Variants in ZFHX3 observed in about 807,000 individuals in gnomAD.
ZFHX3 encodes zinc finger homeobox protein 3.
ZFHX3 carries 42 observed loss-of-function variants against 279.1 expected under a neutral mutation model. That is an observed-to-expected ratio of 0.15 (90% CI 0.12 to 0.19). ZFHX3 has a LOEUF of 0.19. Among genes scored for constraint, ZFHX3 ranks in the 10% least tolerant of loss-of-function variants. The pLI is 1.00. For missense variants in ZFHX3, 4,981 were observed against 4,754.0 expected, an observed-to-expected ratio of 1.05 and a Z score of -1.40; for synonymous variants, 2,293 against 1,957.8, an observed-to-expected ratio of 1.17 and a Z score of -4.52.
intron 1 of ZFHX3, among the ~76,000 whole-genome samples, chr16:73,738,104 A>G (rs1266444886): frequency 1.3e-5 from 2 of 152,202 alleles, no homozygotes; most frequent in African/African-American, 4.8e-5. Context: ...GCATCTATGG[A>G]ACTTTCTTAA....
intron 5 of ZFHX3, among the ~76,000 whole-genome samples, chr16:73,189,084 G>A (rs1013459429): frequency 3.9e-5 from 6 of 152,048 alleles, no homozygotes; most frequent in South Asian, 2.1e-4. Flanking sequence ...GGCTGGTCTC[G>A]ATCTCTTGAC....
At chr16:72,819,154 T>C (rs2036704336) in intron 5 of ZFHX3, among the ~76,000 whole-genome samples, 1 of 152,130 alleles carries the variant, frequency 6.6e-6, no homozygotes, top group South Asian at 2.1e-4. Flanking sequence ...ATTAAGCAGT[T>C]TAGATAAAGA....
chr16:73,008,827 G>A (rs1346991242), intron 1 of ZFHX3, among the ~76,000 whole-genome samples: 1 of 151,982 alleles, frequency 6.6e-6, no homozygotes, highest in African/African-American at 2.4e-5. Flanking sequence ...GACTAAAGAA[G>A]GCAGGAGGGA....
intron 1 of ZFHX3, among the ~76,000 whole-genome samples, chr16:73,793,057 A>G (rs1251462951): frequency 6.6e-6 from 1 of 152,202 alleles, no homozygotes; most frequent in Non-Finnish European, 1.5e-5. Flanking sequence ...TGCAGACAGC[A>G]GACAGGGGGA....
chr16:72,803,944 C>T (rs893404604), intron 7 of ZFHX3, among the ~76,000 whole-genome samples: 1 of 152,194 alleles, frequency 6.6e-6, no homozygotes, highest in African/African-American at 2.4e-5. Flanking sequence ...TGAGCCAGTT[C>T]AACTACCTTC....
chr16:73,707,301 A>G lies in ZFHX3; in HGVS notation c.-1607-27061T>C, dbSNP rs150126741. 5.0e-3 allele frequency among the ~76,000 whole-genome samples: 765 copies of G among 152,272 alleles called. 5 individuals carry two copies. The highest frequency in any genetic ancestry group is 8.2e-3 in the Non-Finnish European group (557 of 68,036). ...GAATGATGGTAAATTTACTTAGAAA[A>G]CAGGCCTTCAGAATAGACTACATAG... On this transcript the variant is annotated intron_variant, in intron 1 of 17. Transcript: ENST00000641206.
At chr16:73,878,587 T>C (rs60462598) in intron 1 of ZFHX3, among the ~76,000 whole-genome samples, 4,162 of 152,228 alleles carry the variant, frequency 0.027, 185 homozygotes, top group African/African-American at 0.095. Flanking sequence ...CTATATTTTT[T>C]TCATTTGATA....
rs540917183 is a variant in ZFHX3, at chr16:73,416,806, G to A, written c.-1291+39197C>T. ...GGAGAATGGCGTGAACTCGGGAGGC[G>A]GAGCCTGCAGTGAGCCGAGATCGCG... On this transcript the variant is annotated intron_variant, in intron 3 of 17. Transcript: ENST00000641206. Among the ~76,000 whole-genome samples, 112 of 147,734 alleles carry A rather than the reference G, an allele frequency of 7.6e-4. 2 individuals carry two copies. Among genetic ancestry groups the A allele is most frequent in the South Asian group, 1.3e-3 (6 of 4,536 alleles).
At chr16:73,394,949 G>C (rs2017097614) in intron 3 of ZFHX3, among the ~76,000 whole-genome samples, 1 of 152,184 alleles carries the variant, frequency 6.6e-6, no homozygotes, top group Non-Finnish European at 1.5e-5. Flanking sequence ...GCCAGGACTT[G>C]AACCCAGCTG....
chr16:73,821,218 C>G (rs879809042), intron 1 of ZFHX3, among the ~76,000 whole-genome samples: 2 of 152,228 alleles, frequency 1.3e-5, no homozygotes, highest in Admixed American at 6.5e-5. Flanking sequence ...TCAGAGAACT[C>G]TGTCCTGTGA....
chr16:73,233,996 C>T (rs886412857), intron 5 of ZFHX3: 4 of 152,216 alleles, frequency 2.6e-5, no homozygotes, highest in African/African-American at 9.7e-5. Context: ...CTTGGGCACC[C>T]TCCATCGCAT....
chr16:73,699,278 C>T (rs1018629624), intron 1 of ZFHX3, among the ~76,000 whole-genome samples: 1 of 151,952 alleles, frequency 6.6e-6, no homozygotes, highest in Non-Finnish European at 1.5e-5. Flanking sequence ...CTCTCTGCTA[C>T]GTTACAACTT....
At chr16:73,527,451 C>A (rs1039516964) in intron 2 of ZFHX3, among the ~76,000 whole-genome samples, 1 of 152,154 alleles carries the variant, frequency 6.6e-6, no homozygotes, top group Non-Finnish European at 1.5e-5. Flanking sequence ...CCTCTGAGAG[C>A]CTTGGGGACC....
chr16:73,889,062 G>A (rs2030443039), intron 1 of ZFHX3, among the ~76,000 whole-genome samples: 1 of 152,206 alleles, frequency 6.6e-6, no homozygotes, highest in Non-Finnish European at 1.5e-5. Flanking sequence ...CAGGCCCACT[G>A]ATTTGTAGAT....
intron 1 of ZFHX3, among the ~76,000 whole-genome samples, chr16:73,891,343 C>G (rs2030530942): frequency 6.6e-6 from 1 of 152,192 alleles, no homozygotes; most frequent in East Asian, 2.0e-4. Context: ...AAGATACACA[C>G]ATACACGTGT....
chr16:73,442,601 G>C (rs57602025), intron 3 of ZFHX3, among the ~76,000 whole-genome samples: 4,242 of 152,310 alleles, frequency 0.028, 182 homozygotes, highest in African/African-American at 0.094. Flanking sequence ...TAGTGTCTCA[G>C]TATTGAATTC....
chr16:73,007,025 A>G (rs1324125928), intron 1 of ZFHX3, among the ~76,000 whole-genome samples: 1 of 152,224 alleles, frequency 6.6e-6, no homozygotes, highest in Non-Finnish European at 1.5e-5. Context: ...AGTTGCTGGA[A>G]TCTACAAATG....
At chr16:73,368,513 T>C (rs1300839560) in intron 3 of ZFHX3, among the ~76,000 whole-genome samples, 1 of 152,198 alleles carries the variant, frequency 6.6e-6, no homozygotes, top group East Asian at 1.9e-4. Flanking sequence ...CGTATTTTAA[T>C]TCAACAGCAT....
At chr16:73,530,505 G>T (rs949935460) in intron 2 of ZFHX3, among the ~76,000 whole-genome samples, 1 of 152,082 alleles carries the variant, frequency 6.6e-6, no homozygotes, top group African/African-American at 2.4e-5. Context: ...GTTACAATAG[G>T]CATTTCAGGT....
Sources: gnomAD v4.1 joint callset for allele counts (sites outside exome capture counted in the v4.1 genomes callset) on GRCh38, gnomAD v4.1.1 for gene constraint, MANE v1.5 for transcripts, NCBI Gene and HGNC (gene_info 2026-07-23, HGNC 2026-07-21) for gene names.